Variants in CFAP74 observed in about 807,000 individuals in gnomAD.
CFAP74 encodes the protein cilia and flagella associated protein 74, also known as cilia- and flagella-associated protein 74.
Under a neutral mutation model 188.9 loss-of-function variants are expected in CFAP74, and 124 were observed. The ratio of observed to expected loss-of-function variants is 0.66; its 90% CI spans 0.57 to 0.76. CFAP74 has a LOEUF of 0.76. CFAP74 is among the 30% of genes least tolerant of loss of function. CFAP74 has a pLI of 0.00. For missense variants in CFAP74, 2,198 were observed against 2,165.2 expected, an observed-to-expected ratio of 1.02 and a Z score of -0.30; for synonymous variants, 956 against 916.7, an observed-to-expected ratio of 1.04 and a Z score of -0.77.
rs116016192 is a variant in CFAP74, at chr1:1,939,956, G to A, written c.2704-189C>T. Among the ~76,000 whole-genome samples, 622 of 152,312 alleles carry A rather than the reference G, an allele frequency of 4.1e-3. 6 individuals carry two copies. Among genetic ancestry groups the A allele is most frequent in the African/African-American group, 0.014 (598 of 41,568 alleles). On this transcript the variant is annotated intron_variant, in intron 23 of 38. Coordinates refer to ENST00000682832, the MANE Select transcript of CFAP74 (RefSeq NM_001304360.2). ...TCCCTGACATGGCGGGAGGAGCTGC[G>A]GGTGGGTGGCAGCTGAGAGCCTGCT...
chr1:1,926,729 C>G lies in CFAP74; in HGVS notation c.3695G>C (p.Cys1232Ser). 1 of 1,550,154 alleles carries G rather than the reference C, an allele frequency of 6.5e-7. No homozygotes were observed. Among genetic ancestry groups the G allele is most frequent in the Non-Finnish European group, 8.7e-7 (1 of 1,146,848 alleles). Reference protein sequence around the residue: ...PHNTLYLELWCPTVAPSVVVT... With the variant: ...PHNTLYLELWSPTVAPSVVVT... ...CACAACAGATGGTGCCACCGTCGGGCACCACAGCTCCAGGTACAGGGTGTT... is the reference window on the plus strand; with the variant it reads ...CACAACAGATGGTGCCACCGTCGGGGACCACAGCTCCAGGTACAGGGTGTT... Residue 1232 changes from cysteine to serine, a missense_variant, in exon 30 of 39, where the codon TGC (cysteine) becomes TCC (serine). Coordinates refer to ENST00000682832, the MANE Select transcript of CFAP74 (RefSeq NM_001304360.2).
intron 20 of CFAP74, 100 bp from the exon 21 acceptor site, chr1:1,944,552 C>A: frequency 8.1e-7 from 1 of 1,231,652 alleles, no homozygotes; most frequent in South Asian, 1.4e-5. Context: ...GTTTCATGGG[C>A]TTGAGTTTTC....
intron 25 of CFAP74, among the ~76,000 whole-genome samples, chr1:1,932,082 A>AAAAC (rs1652441843): frequency 3.1e-5 from 2 of 64,952 alleles, no homozygotes; most frequent in South Asian, 5.3e-4. Context: ...AAAAAAAACA[A>AAAAC]AAAACAAAAA....
At chr1:1,955,919 C>T in intron 17 of CFAP74, 69 bp from the exon 18 acceptor site, 2 of 1,538,934 alleles carry the variant, frequency 1.3e-6, no homozygotes, top group South Asian at 2.5e-5. Context: ...GCTGCCGGAA[C>T]TCCCATGAGG....
intron 32 of CFAP74, 86 bp from the exon 33 acceptor site, chr1:1,926,024 C>T (rs760887089): frequency 8.8e-5 from 128 of 1,456,854 alleles, no homozygotes; most frequent in Non-Finnish European, 1.1e-4. Flanking sequence ...GGGTTCTCAA[C>T]GCTGGAGTTG....
In CFAP74 at chr1:1,923,014, T is replaced by C. The variant is rs1651508694; in HGVS notation, c.4654A>G (p.Ile1552Val). ...PATRELQVGCIRTTQPSPKKT... is the reference protein window; with the variant it reads ...PATRELQVGCVRTTQPSPKKT... ...TTTGGAGATGGCTGGGTGGTCCGGA[T>C]ACAGCCCACCTGCAGCTCTCGGGTG... Residue 1552 changes from isoleucine (I) to valine (V), a missense_variant, in exon 37 of 39, where the codon ATC becomes GTC. Transcript: ENST00000682832. This position sits in a 1 kb window ranked among gnomAD's most constrained non-coding sequence, Gnocchi z 6.3. 1.3e-6 allele frequency: 2 copies of C among 1,597,346 alleles called. No individual in the cohort carries two copies. The highest frequency in any genetic ancestry group is 1.7e-6 in the Non-Finnish European group (2 of 1,174,498).
chr1:1,944,556 AG>A, intron 20 of CFAP74, 104 bp from the exon 21 acceptor site: 1 of 1,220,714 alleles, frequency 8.2e-7, no homozygotes, highest in Non-Finnish European at 1.1e-6. Context: ...CATGGGCTTG[AG>A]TTTTCTAACT....
At chr1:1,945,194 C>T (rs1359699143) in intron 20 of CFAP74, among the ~76,000 whole-genome samples, 1 of 152,042 alleles carries the variant, frequency 6.6e-6, no homozygotes, top group African/African-American at 2.4e-5. Flanking sequence ...GTGGTCCCAG[C>T]TACGTGGGAG....
rs775468016 is a variant in CFAP74 at position 1,926,664 on chromosome 1, C to T, written c.3760G>A (p.Asp1254Asn). 3.2e-6 allele frequency: 5 copies of T among 1,550,044 alleles called. No homozygotes were observed. The South Asian group carries it at 3.6e-5, about 11-fold the overall frequency. Residue 1254 changes from aspartate (D) to asparagine (N), a missense_variant, in exon 30 of 39, where the codon GAC becomes AAC. By Grantham distance (23) the Asp-to-Asn change is conservative. Coordinates refer to ENST00000682832, the MANE Select transcript of CFAP74 (RefSeq NM_001304360.2). The stretch of plus-strand genomic sequence containing the variant: ...CTTAGCGTCTCACCCACAGCGACGT[C>T]GCCGAAGTTAAAGATGGTCTTGCCT... ...HKGKTIFNFGDVAVGHRSIKK... is the reference protein window; with the variant it reads ...HKGKTIFNFGNVAVGHRSIKK...
intron 9 of CFAP74, 136 bp downstream of exon 9, chr1:1,971,844 C>T: frequency 1.5e-6 from 1 of 658,648 alleles, no homozygotes; most frequent in East Asian, 2.7e-5. Flanking sequence ...GCTCGGGAAG[C>T]CTCCAGGGGT....
In CFAP74 at chr1:1,975,531, GGTT is replaced by G. The variant is rs1353885334; in HGVS notation, c.501-1336_501-1334del. The stretch of plus-strand genomic sequence containing the variant: ...TACGCCCACTTGGTTTTGGCATCGA[GGTT>G]GTGTCACTGCATTTTAGAAACTGGG... On this transcript the variant is annotated intron_variant, in intron 6 of 38. Transcript: ENST00000682832. This position sits in a 1 kb window ranked among gnomAD's most constrained non-coding sequence, Gnocchi z 4.5. 1.3e-5 allele frequency among the ~76,000 whole-genome samples: 2 copies of G among 152,090 alleles called. No individual in the cohort carries two copies. Among genetic ancestry groups the G allele is most frequent in the Non-Finnish European group, 2.9e-5 (2 of 68,020 alleles).
At chr1:1,927,089 G>A (rs1230351193) in intron 28 of CFAP74, 61 bp from the exon 29 acceptor site, 53 of 1,540,582 alleles carry the variant, frequency 3.4e-5, no homozygotes, top group Middle Eastern at 1.7e-4. Flanking sequence ...GGCCCAGGCC[G>A]GACCCCTGCG....
At chr1:2,000,871 G>A (rs915581305) in intron 1 of CFAP74, among the ~76,000 whole-genome samples, 5 of 152,100 alleles carry the variant, frequency 3.3e-5, no homozygotes, top group East Asian at 1.9e-4. Context: ...CGATGGCCAC[G>A]GTGCCACTGT....
chr1:1,967,525 C>T (rs565673094), intron 11 of CFAP74, among the ~76,000 whole-genome samples: 19 of 152,144 alleles, frequency 1.2e-4, no homozygotes, highest in African/African-American at 4.6e-4. Flanking sequence ...GCAAAGGCCC[C>T]GGCGTGAGAC....
At chr1:1,990,810 A>T in intron 2 of CFAP74, 80 bp downstream of exon 2, 2 of 1,057,748 alleles carry the variant, frequency 1.9e-6, no homozygotes, top group South Asian at 1.4e-5. Context: ...AAATAAAGGG[A>T]ATTAAAGGGC....
rs769961040 is a variant in CFAP74 at position 1,940,419 on chromosome 1, A to G, written c.2616-16T>C. On this transcript the variant is annotated splice_polypyrimidine_tract_variant and intron_variant, in intron 22 of 38. Coordinates refer to ENST00000682832, the MANE Select transcript of CFAP74 (RefSeq NM_001304360.2). The stretch of plus-strand genomic sequence containing the variant: ...GAGGGAGTGTCTGAAAGAGGCAGAC[A>G]AGGCGAATGTGCTTTCCTCTTTCCA... 1.1e-5 allele frequency: 17 copies of G among 1,496,262 alleles called. No homozygotes were observed. The South Asian group carries it at 1.7e-4, about 15-fold the overall frequency. The allele number at this position is 1,496,262 out of a possible 1,614,324, so 92.7% of individuals were successfully genotyped here.
chr1:1,991,754 G>T (rs1250755521), intron 1 of CFAP74, among the ~76,000 whole-genome samples: 2 of 152,106 alleles, frequency 1.3e-5, no homozygotes, highest in African/African-American at 4.8e-5. Flanking sequence ...GAATGCCTGA[G>T]ATTGGCTGGG....
intron 21 of CFAP74, among the ~76,000 whole-genome samples, chr1:1,943,967 C>A (rs993674023): frequency 6.6e-6 from 1 of 152,166 alleles, no homozygotes; most frequent in East Asian, 1.9e-4. Flanking sequence ...GTCTTCAAAT[C>A]GGCCTGACTC....
intron 18 of CFAP74, among the ~76,000 whole-genome samples, chr1:1,948,412 AATAT>A (rs56005703): frequency 6.9e-6 from 1 of 144,408 alleles, no homozygotes; most frequent in Admixed American, 6.9e-5. Context: ...GGCATATATA[AATAT>A]ATATATATAT....
Sources: allele counts gnomAD v4.1 joint callset (sites outside exome capture counted in the v4.1 genomes callset), GRCh38; gene constraint gnomAD v4.1.1; non-coding constraint Gnocchi (gnomAD v3.1); transcripts MANE v1.5; gene names NCBI Gene and HGNC (gene_info 2026-07-23, HGNC 2026-07-21).